The following SNX10 variants were observed in gnomAD, a reference collection of about 807,000 sequenced individuals.
SNX10 encodes sorting nexin 10, also known as sorting nexin-10.
A neutral mutation model predicts 28.5 loss-of-function variants in SNX10; 25 were observed. That is an observed-to-expected ratio of 0.88 (90% CI 0.64 to 1.22). SNX10 has a LOEUF of 1.22. Ranked by LOEUF, SNX10 falls within the 50% of genes most tolerant of loss-of-function variation. SNX10 has a pLI of 0.00. For missense variants in SNX10, 223 were observed against 242.6 expected (o/e 0.92, Z 0.54); for synonymous variants, 62 against 81.4 (o/e 0.76, Z 1.28).
chr7:26,372,284 A>C, intron 6 of SNX10: 4 of 594,566 alleles, frequency 6.7e-6, no homozygotes, highest in Non-Finnish European at 8.9e-6. Flanking sequence ...TGTGACTTTC[A>C]TTTAGTCAGA....
chr7:26,321,190 G>A (rs560822545), intron 1 of SNX10, among the ~76,000 whole-genome samples: 5 of 152,336 alleles, frequency 3.3e-5, no homozygotes, highest in South Asian at 2.1e-4. Flanking sequence ...CCATAAGGTA[G>A]GCCGAGTAGC....
In SNX10 at chr7:26,354,436, C is replaced by T. The variant is rs1002682126; in HGVS notation, c.25-6539C>T. ...TCTCAGCTCACTGCAACCTCCCACC[C>T]ACCCACCAGGCTCAAGCAATCCTCC... is the stretch of plus-strand genomic sequence containing the variant. On this transcript the variant is annotated intron_variant, in intron 2 of 6. Transcript: ENST00000338523. Among the ~76,000 whole-genome samples, 27 of 152,206 alleles carry T rather than the reference C, an allele frequency of 1.8e-4. 1 individual carries two copies. The highest frequency in any genetic ancestry group is 6.3e-4 in the African/African-American group (26 of 41,458).
chr7:26,314,898 T>C (rs1000487940), intron 1 of SNX10, among the ~76,000 whole-genome samples: 15 of 152,202 alleles, frequency 9.9e-5, no homozygotes, highest in African/African-American at 3.1e-4. Context: ...CTCGGGAGGC[T>C]GAGGCATGAG....
chr7:26,351,952 G>C (rs774034834), intron 2 of SNX10, among the ~76,000 whole-genome samples: 3 of 152,006 alleles, frequency 2.0e-5, no homozygotes, highest in East Asian at 1.9e-4. Flanking sequence ...CACTGTGCCC[G>C]ACCAGCAATC....
chr7:26,358,933 G>T (rs1410443125), intron 2 of SNX10, among the ~76,000 whole-genome samples: 1 of 150,418 alleles, frequency 6.6e-6, no homozygotes, highest in Non-Finnish European at 1.5e-5. Flanking sequence ...AGCCTCCTGA[G>T]TAGCTGAGAT....
chr7:26,359,254 A>C (rs998430021), intron 2 of SNX10, among the ~76,000 whole-genome samples: 2 of 152,170 alleles, frequency 1.3e-5, no homozygotes, highest in Non-Finnish European at 2.9e-5. Flanking sequence ...GTTGCCCTAG[A>C]AGGTGAAACT....
At chr7:26,340,409 A>T (rs1472932596) in intron 1 of SNX10, among the ~76,000 whole-genome samples, 1 of 152,224 alleles carries the variant, frequency 6.6e-6, no homozygotes, top group Non-Finnish European at 1.5e-5. Flanking sequence ...TGGCCTACAA[A>T]ACCTCAAATA....
chr7:26,344,959 C>T (rs1025620352), intron 1 of SNX10, among the ~76,000 whole-genome samples: 17 of 152,166 alleles, frequency 1.1e-4, no homozygotes, highest in African/African-American at 3.9e-4. Flanking sequence ...GCAGAATCCC[C>T]GCCTTGCTTC....
chr7:26,312,184 G>T (rs1022566409), intron 1 of SNX10, among the ~76,000 whole-genome samples: 4 of 152,152 alleles, frequency 2.6e-5, no homozygotes, highest in Non-Finnish European at 5.9e-5. Flanking sequence ...CAGATGACTG[G>T]TCTCTAGAAA....
chr7:26,350,895 G>C (rs1788571124), intron 2 of SNX10, among the ~76,000 whole-genome samples: 1 of 152,038 alleles, frequency 6.6e-6, no homozygotes, highest in South Asian at 2.1e-4. Context: ...GGTACTGTGA[G>C]GACTCTGATA....
At chr7:26,343,161 C>T (rs1026224673) in intron 1 of SNX10, among the ~76,000 whole-genome samples, 7 of 152,202 alleles carry the variant, frequency 4.6e-5, no homozygotes, top group African/African-American at 1.2e-4. Flanking sequence ...TTATCAGACT[C>T]CTATTAGATA....
At chr7:26,355,961 GA>G (rs1323903033) in intron 2 of SNX10, among the ~76,000 whole-genome samples, 1 of 152,148 alleles carries the variant, frequency 6.6e-6, no homozygotes, top group Non-Finnish European at 1.5e-5. Flanking sequence ...AAAGATTGAA[GA>G]AAACATTTGT....
intron 5 of SNX10, among the ~76,000 whole-genome samples, chr7:26,371,596 T>A (rs1391011386): frequency 6.6e-6 from 1 of 152,174 alleles, no homozygotes; most frequent in Admixed American, 6.5e-5. Flanking sequence ...TTAACAGATG[T>A]TCTTAACTAT....
At position 26,373,265 on chromosome 7, in the gene SNX10, C is replaced by A. The variant is rs1789647629; in HGVS notation, c.*693C>A. On this transcript the variant is annotated 3_prime_UTR_variant, in exon 7 of 7. Coordinates refer to ENST00000338523, the MANE Select transcript of SNX10 (RefSeq NM_013322.3). The surrounding 1 kb of genome is among the most constrained non-coding windows in gnomAD (Gnocchi z 4.2). ...ATATATAGATTCAGAAATACATTTT[C>A]ATTATCCAAAATCAGCTTCAACAAA... is the stretch of plus-strand genomic sequence containing the variant. 1 of 152,010 alleles carries A rather than the reference C, an allele frequency of 6.6e-6. No individual in the cohort carries two copies. The highest frequency in any genetic ancestry group is 2.4e-5 in the African/African-American group (1 of 41,418). 9.4% of individuals were successfully genotyped at this position (152,010 alleles called of 1,614,324 possible). A position where few individuals can be genotyped will look rare whatever the true frequency, so the allele number is the denominator to read the frequency against.
At chr7:26,336,372 TAAA>T (rs35209815) in intron 1 of SNX10, among the ~76,000 whole-genome samples, 1 of 140,636 alleles carries the variant, frequency 7.1e-6, no homozygotes, top group Non-Finnish European at 1.6e-5. Context: ...AGTAAATATG[TAAA>T]AAAAAAAAAA....
chr7:26,337,662 A>G (rs1787990586), intron 1 of SNX10, among the ~76,000 whole-genome samples: 1 of 152,196 alleles, frequency 6.6e-6, no homozygotes, highest in Admixed American at 6.5e-5. Context: ...TTAAGGTTGA[A>G]TGGTACCCAT....
chr7:26,298,116 A>G (rs1289795961), intron 1 of SNX10, among the ~76,000 whole-genome samples: 2 of 142,430 alleles, frequency 1.4e-5, no homozygotes, highest in Non-Finnish European at 3.1e-5. Flanking sequence ...CTGTAATCCA[A>G]GTTACTGAGG....
intron 1 of SNX10, among the ~76,000 whole-genome samples, chr7:26,307,266 G>A (rs758111495): frequency 9.9e-5 from 15 of 152,136 alleles, no homozygotes; most frequent in African/African-American, 3.1e-4. Context: ...TGTCTCTCCC[G>A]TCTGGATGTC....
chr7:26,360,996 C>T lies in SNX10; in HGVS notation c.46C>T (p.Arg16Ter), dbSNP rs587777490. ...QKEEFVSVWV[R>*]DPRIQKEDFW... ...ACAGGAATTTGTAAGTGTCTGGGTT[C>T]GAGATCCTAGGATTCAGAAGGAGGA... Residue 16 changes from arginine (R) to a stop codon, truncating the protein, a stop_gained, in exon 3 of 7, where the codon CGA (arginine) becomes TGA (stop). Coordinates refer to ENST00000338523, the MANE Select transcript of SNX10 (RefSeq NM_013322.3). LOFTEE classifies it high-confidence loss of function. The T allele has an allele frequency of 8.7e-6, 14 of 1,612,176 alleles. No homozygotes were observed. The highest frequency in any genetic ancestry group is 4.5e-5 in the East Asian group (2 of 44,750).
Sources: gnomAD v4.1 joint callset for allele counts (sites outside exome capture counted in the v4.1 genomes callset) on GRCh38, gnomAD v4.1.1 for gene constraint, Gnocchi (gnomAD v3.1) non-coding constraint, MANE v1.5 for transcripts, NCBI Gene and HGNC (gene_info 2026-07-23, HGNC 2026-07-21) for gene names.